ACACB: variants seen among roughly 807,000 people sequenced by gnomAD.
ACACB encodes the protein acetyl-CoA carboxylase 2.
In ACACB, 209 loss-of-function variants were observed where a neutral mutation model predicts 278.8. The ratio of observed to expected loss-of-function variants is 0.75; its 90% CI spans 0.67 to 0.84. The LOEUF is 0.84. Among genes scored for constraint, ACACB ranks in the 40% least tolerant of loss-of-function variants. The pLI is 0.00. For missense variants in ACACB, 2,850 were observed against 3,269.0 expected (o/e 0.87, Z 3.13); for synonymous variants, 1,174 against 1,285.6 (o/e 0.91, Z 1.86).
At chr12:109,119,685 T>G (rs1186366344) in intron 1 of ACACB, among the ~76,000 whole-genome samples, 2 of 151,450 alleles carry the variant, frequency 1.3e-5, no homozygotes, top group Admixed American at 6.6e-5. Context: ...TCACTTGAGG[T>G]CAGGAGTTCA....
Position 109,180,071 on chromosome 12 carries a change from C to A in ACACB, c.1802C>A (p.Pro601Gln), listed in dbSNP as rs776895831. ...GAAATGATTGCTGATGTTAATCTGCCGGCCGCCCAGCTACAGGTGAGAAAA... is the reference window on the plus strand; with the variant it reads ...GAAATGATTGCTGATGTTAATCTGCAGGCCGCCCAGCTACAGGTGAGAAAA... The part of the protein sequence containing the change: ...CTEMIADVNL[P>Q]AAQLQIAMGV... The change falls in exon 11 of 53, where the codon CCG becomes CAG. Residue 601 changes from proline to glutamine, a missense_variant. Transcript: ENST00000338432. 5 of 1,611,142 alleles carry A rather than the reference C, an allele frequency of 3.1e-6. No individual in the cohort carries two copies. The highest frequency in any genetic ancestry group is 4.2e-6 in the Non-Finnish European group (5 of 1,178,934).
chr12:109,210,059 G>A (rs1424534930), intron 21 of ACACB, among the ~76,000 whole-genome samples: 2 of 88,200 alleles, frequency 2.3e-5, no homozygotes, highest in Non-Finnish European at 5.2e-5. Context: ...ATACACACAC[G>A]TGTGTATATA....
rs144545047 is a variant in ACACB at position 109,194,610 on chromosome 12, C to CTGTGTG, written c.2481+915_2481+920dup. On this transcript the variant is annotated intron_variant, in intron 16 of 52. Transcript: ENST00000338432. The stretch of plus-strand genomic sequence containing the variant: ...ATGAGCCACCCCCTGGCCTCTGCCT[C>CTGTGTG]TGTGTGTGTGTGTGTGTGTGTGTGT... 7.4e-3 allele frequency among the ~76,000 whole-genome samples: 709 copies of CTGTGTG among 95,278 alleles called. 6 individuals are homozygous for CTGTGTG. Among genetic ancestry groups the CTGTGTG allele is most frequent in the African/African-American group, 0.02 (608 of 30,460 alleles). The allele number at this position is 95,278 out of a possible 152,430, so 62.5% of individuals were successfully genotyped here.
intron 1 of ACACB, among the ~76,000 whole-genome samples, chr12:109,122,572 C>CAAAAAAAAA (rs59516728): frequency 1.6e-5 from 1 of 61,836 alleles, no homozygotes; most frequent in Non-Finnish European, 3.1e-5. Flanking sequence ...GACATTGTCT[C>CAAAAAAAAA]AAAAAAAAAA....
chr12:109,166,765 GT>G (rs2043919900), intron 2 of ACACB, 95 bp from the exon 3 acceptor site: 1 of 1,512,762 alleles, frequency 6.6e-7, no homozygotes, highest in Non-Finnish European at 9.0e-7. Flanking sequence ...CTCTGGTGCA[GT>G]TTGGCTCCTC....
At chr12:109,157,081 AT>A (rs2043564570) in intron 2 of ACACB, among the ~76,000 whole-genome samples, 1 of 151,978 alleles carries the variant, frequency 6.6e-6, no homozygotes, top group African/African-American at 2.4e-5. Flanking sequence ...CCTATTTATA[AT>A]AATATGGACA....
chr12:109,161,876 C>T (rs113262212), intron 2 of ACACB, among the ~76,000 whole-genome samples: 12 of 152,060 alleles, frequency 7.9e-5, no homozygotes, highest in East Asian at 1.9e-4. Context: ...AAAGAGATAA[C>T]GGCTCTTAAT....
chr12:109,260,948 T>C (rs1403200704), intron 48 of ACACB, among the ~76,000 whole-genome samples: 1 of 152,244 alleles, frequency 6.6e-6, no homozygotes, highest in Non-Finnish European at 1.5e-5. Context: ...CTATAGGAAA[T>C]GTTTTATTCA....
At chr12:109,176,337 A>C (rs1337305964) in intron 9 of ACACB, 74 bp downstream of exon 9, 1 of 1,326,746 alleles carries the variant, frequency 7.5e-7, no homozygotes, top group Non-Finnish European at 1.1e-6. Context: ...TATTTCTCTT[A>C]GCATTATTCT....
At chr12:109,182,612 C>T (rs1486171455) in intron 11 of ACACB, among the ~76,000 whole-genome samples, 2 of 151,940 alleles carry the variant, frequency 1.3e-5, no homozygotes, top group Admixed American at 1.3e-4. Flanking sequence ...TCAAGCAGCC[C>T]TCCCACCTCA....
chr12:109,168,343 G>C (rs541267514), intron 4 of ACACB, among the ~76,000 whole-genome samples: 9 of 152,122 alleles, frequency 5.9e-5, no homozygotes, highest in Non-Finnish European at 1.3e-4. Context: ...TCAATCATTT[G>C]TTCATTCTTC....
chr12:109,210,240 TGTATATATAC>T (rs1165842398), intron 21 of ACACB, among the ~76,000 whole-genome samples: 1 of 57,026 alleles, frequency 1.8e-5, no homozygotes, highest in African/African-American at 7.6e-5. Flanking sequence ...TATGTATATA[TGTATATATAC>T]ACACATGTGT....
intron 1 of ACACB, among the ~76,000 whole-genome samples, chr12:109,137,186 T>C (rs1211473877): frequency 6.6e-6 from 1 of 152,038 alleles, no homozygotes; most frequent in African/African-American, 2.4e-5. Flanking sequence ...AAAAAACACA[T>C]GATGATCTTG....
Position 109,260,077 on chromosome 12 carries a change from C to A in ACACB, c.6497-403C>A, listed in dbSNP as rs756597049. ...TGTTTTCATGTAGGGTGCCTGGGGA[C>A]CTGGAGAGATGTGTCTTGGTGGAAG... On this transcript the variant is annotated intron_variant, in intron 47 of 52. Coordinates refer to ENST00000338432, the MANE Select transcript of ACACB (RefSeq NM_001093.4). 4.4e-6 allele frequency: 6 copies of A among 1,359,866 alleles called. No individual in the cohort carries two copies. The South Asian group carries it at 6.8e-5, about 15-fold the overall frequency. 84.2% of individuals were successfully genotyped at this position (1,359,866 alleles called of 1,614,324 possible).
In ACACB at chr12:109,174,187, C is replaced by T. The variant is rs199551411; in HGVS notation, c.1173C>T (p.Val391=). Residue 391 remains valine, a synonymous_variant, in exon 7 of 53, where the codon GTC becomes GTT. Coordinates refer to ENST00000338432, the MANE Select transcript of ACACB (RefSeq NM_001093.4). The part of the protein sequence containing the change: ...ALGDKIASTV[V]AQTLQVPTLP... ...GAGATAAGATCGCCTCCACCGTTGT[C>T]GCCCAGACGCTACAGGTCCCAACCC... 116 of 1,613,236 alleles carry T rather than the reference C, an allele frequency of 7.2e-5. 1 individual carries two copies. Among genetic ancestry groups the T allele is most frequent in the East Asian group, 6.5e-4 (29 of 44,874 alleles).
rs2047305229 is a variant in ACACB, at chr12:109,258,965, T to C, written c.6361-8T>C. The C allele has an allele frequency of 1.2e-6, 2 of 1,613,874 alleles. No homozygotes were observed. Among genetic ancestry groups the C allele is most frequent in the African/African-American group, 1.3e-5 (1 of 74,922 alleles). The stretch of plus-strand genomic sequence containing the variant: ...GAGACATCTGATCCCCGCAGCTCTG[T>C]GTTCCAGATAATTCAGCAGGCAGGA... On this transcript the variant is annotated splice_polypyrimidine_tract_variant and splice_region_variant and intron_variant, in intron 46 of 52. Transcript: ENST00000338432.
At chr12:109,137,416 T>C (rs567082518) in intron 1 of ACACB, among the ~76,000 whole-genome samples, 59 of 152,256 alleles carry the variant, frequency 3.9e-4, no homozygotes, top group African/African-American at 1.3e-3. Flanking sequence ...TCCTAGCACT[T>C]TGGGAGGCAG....
chr12:109,167,680 C>CCAT, intron 3 of ACACB, among the ~76,000 whole-genome samples: 1 of 128,974 alleles, frequency 7.8e-6, no homozygotes, highest in East Asian at 2.6e-4. Flanking sequence ...ATCCATCCAT[C>CCAT]CATCCATTTG....
chr12:109,146,211 T>G (rs2043240251), intron 2 of ACACB, among the ~76,000 whole-genome samples: 1 of 152,104 alleles, frequency 6.6e-6, no homozygotes, highest in Non-Finnish European at 1.5e-5. Context: ...GCCAGGGGTA[T>G]TTATTTGAGG....
Sources: allele counts gnomAD v4.1 joint callset (sites outside exome capture counted in the v4.1 genomes callset), GRCh38; gene constraint gnomAD v4.1.1; transcripts MANE v1.5; gene names NCBI Gene and HGNC (gene_info 2026-07-23, HGNC 2026-07-21).